Variants in ACMSD observed in about 807,000 individuals in gnomAD.
ACMSD encodes the protein aminocarboxymuconate semialdehyde decarboxylase.
Under a neutral mutation model 45.9 loss-of-function variants are expected in ACMSD, and 37 were observed. The observed-to-expected ratio is 0.81, with a 90% CI of 0.62 to 1.06. The LOEUF (loss-of-function observed/expected upper bound fraction) is 1.06. Among genes scored for constraint, ACMSD ranks in the 50% least tolerant of loss-of-function variants. The pLI is 0.00. For synonymous variants in ACMSD, 138 were observed against 148.8 expected, an observed-to-expected ratio of 0.93 and a Z score of 0.53; for missense variants, 434 against 420.9, an observed-to-expected ratio of 1.03 and a Z score of -0.27.
intron 9 of ACMSD, among the ~76,000 whole-genome samples, chr2:134,900,594 C>A (rs1043283189): frequency 1.3e-5 from 2 of 152,152 alleles, no homozygotes; most frequent in Non-Finnish European, 2.9e-5. Flanking sequence ...TTGCTAAGAT[C>A]TTACTTTGTA....
chr2:134,898,029 T>C (rs1024217856), intron 8 of ACMSD, among the ~76,000 whole-genome samples: 11 of 151,550 alleles, frequency 7.3e-5, no homozygotes, highest in African/African-American at 2.7e-4. Context: ...CATCTGAATA[T>C]ATATATTTTA....
chr2:134,857,551 C>G (rs1303932293), intron 2 of ACMSD, among the ~76,000 whole-genome samples: 1 of 151,912 alleles, frequency 6.6e-6, no homozygotes, highest in Non-Finnish European at 1.5e-5. Flanking sequence ...GCAACGTTAC[C>G]CAATTTATTA....
intron 6 of ACMSD, among the ~76,000 whole-genome samples, chr2:134,870,229 G>T (rs1478283788): frequency 2.0e-5 from 3 of 152,210 alleles, no homozygotes; most frequent in Non-Finnish European, 2.9e-5. Context: ...GAAGGCATTA[G>T]ACATGGACCA....
chr2:134,875,807 A>C (rs1004908140), intron 8 of ACMSD, among the ~76,000 whole-genome samples: 1 of 152,226 alleles, frequency 6.6e-6, no homozygotes, highest in Admixed American at 6.5e-5. Context: ...GCATAATTAC[A>C]GTCATGCATC....
intron 6 of ACMSD, 131 bp downstream of exon 6, chr2:134,867,803 T>C: frequency 1.6e-6 from 1 of 615,324 alleles, no homozygotes; most frequent in East Asian, 2.8e-5. Flanking sequence ...CAGCTATCAC[T>C]TACTGAGCTC....
chr2:134,878,324 T>G (rs189218693), intron 8 of ACMSD, among the ~76,000 whole-genome samples: 122 of 152,284 alleles, frequency 8.0e-4, no homozygotes, highest in African/African-American at 2.9e-3. Context: ...AAAAACATTC[T>G]TTTCGTTTTG....
chr2:134,848,695 A>G (rs1687194261), intron 2 of ACMSD, among the ~76,000 whole-genome samples: 1 of 152,114 alleles, frequency 6.6e-6, no homozygotes, highest in African/African-American at 2.4e-5. Flanking sequence ...AGATGGATAG[A>G]TTGCAAAAGC....
chr2:134,900,525 A>G (rs746729419), intron 9 of ACMSD, among the ~76,000 whole-genome samples: 2 of 152,232 alleles, frequency 1.3e-5, no homozygotes, highest in Non-Finnish European at 2.9e-5. Flanking sequence ...GCTTCCTTTA[A>G]GTGAAAAGGT....
At chr2:134,855,707 T>C (rs541767881) in intron 2 of ACMSD, among the ~76,000 whole-genome samples, 1 of 152,344 alleles carries the variant, frequency 6.6e-6, no homozygotes, top group South Asian at 2.1e-4. Flanking sequence ...CACTGACCTG[T>C]TCCCCATCCC....
In ACMSD at chr2:134,872,481, C is replaced by T; in HGVS notation, c.689C>T (p.Pro230Leu). 6.2e-7 allele frequency: 1 copy of T among 1,614,162 alleles called. No homozygotes were observed. Among genetic ancestry groups the T allele is most frequent in the Admixed American group, 1.7e-5 (1 of 60,016 alleles). The change falls in exon 8 of 10, where the codon CCC becomes CTC. Residue 230 changes from proline (P) to leucine (L), a missense_variant. Coordinates refer to ENST00000356140, the MANE Select transcript of ACMSD (RefSeq NM_138326.3). ...VCFAHGGGAFPFTVGRISHGF... is the reference protein window; with the variant it reads ...VCFAHGGGAFLFTVGRISHGF... ...GTTTTACTTGCAGGTGGTGCCTTCCCCTTCACAGTGGGAAGAATCTCCCAT... is the reference window on the plus strand; with the variant it reads ...GTTTTACTTGCAGGTGGTGCCTTCCTCTTCACAGTGGGAAGAATCTCCCAT...
chr2:134,897,986 T>C (rs991846315), intron 8 of ACMSD, among the ~76,000 whole-genome samples: 1 of 151,344 alleles, frequency 6.6e-6, no homozygotes. Flanking sequence ...AATTGCAATG[T>C]ATCATTCTAA....
chr2:134,898,432 A>G lies in ACMSD; in HGVS notation c.941A>G (p.Glu314Gly). ...GAGTCCATGGAAGAATTTGATGAAGAAACAAAGGTATAATGTCTTTTACTT... is the reference window on the plus strand; with the variant it reads ...GAGTCCATGGAAGAATTTGATGAAGGAACAAAGGTATAATGTCTTTTACTT... ...LIESMEEFDEETKNKLKAGNA... is the reference protein window; with the variant it reads ...LIESMEEFDEGTKNKLKAGNA... Residue 314 changes from glutamate (E) to glycine (G), a missense_variant, in exon 9 of 10, where the codon GAA becomes GGA. Transcript: ENST00000356140. 6.3e-7 allele frequency: 1 copy of G among 1,591,838 alleles called. No individual in the cohort carries two copies. Among genetic ancestry groups the G allele is most frequent in the Admixed American group, 1.8e-5 (1 of 55,436 alleles).
chr2:134,889,982 A>ATGAAGAAAT (rs1375894815), intron 8 of ACMSD, among the ~76,000 whole-genome samples: 1 of 152,136 alleles, frequency 6.6e-6, no homozygotes, highest in Non-Finnish European at 1.5e-5. Context: ...GTTTGTATAT[A>ATGAAGAAAT]TGAAGAAATC....
chr2:134,843,579 C>T (rs959703140), intron 1 of ACMSD, among the ~76,000 whole-genome samples: 2 of 152,170 alleles, frequency 1.3e-5, no homozygotes, highest in African/African-American at 4.8e-5. Flanking sequence ...TGACTCCCTA[C>T]AGACAACTTC....
chr2:134,875,741 T>C (rs1011153791), intron 8 of ACMSD, among the ~76,000 whole-genome samples: 1 of 152,230 alleles, frequency 6.6e-6, no homozygotes, highest in African/African-American at 2.4e-5. Flanking sequence ...AGGTCGGTCA[T>C]ACGCTCATTA....
intron 9 of ACMSD, among the ~76,000 whole-genome samples, chr2:134,900,359 C>A (rs1385137431): frequency 6.6e-6 from 1 of 152,136 alleles, no homozygotes; most frequent in African/African-American, 2.4e-5. Flanking sequence ...TCCACTCCCT[C>A]CCCATTAGTC....
intron 8 of ACMSD, among the ~76,000 whole-genome samples, chr2:134,879,188 G>A (rs1337114790): frequency 6.6e-6 from 1 of 152,164 alleles, no homozygotes; most frequent in Non-Finnish European, 1.5e-5. Flanking sequence ...CCAGTCCATG[G>A]CTCAGGGGTT....
intron 3 of ACMSD, among the ~76,000 whole-genome samples, chr2:134,859,911 C>T (rs1239420094): frequency 6.6e-6 from 1 of 152,116 alleles, no homozygotes; most frequent in African/African-American, 2.4e-5. Context: ...CGTTTCAAAG[C>T]TGAATTGCTA....
At chr2:134,901,328 C>T (rs2104981000) in intron 9 of ACMSD, among the ~76,000 whole-genome samples, 1 of 152,324 alleles carries the variant, frequency 6.6e-6, no homozygotes, top group Non-Finnish European at 1.5e-5. Context: ...TGAGACCCTT[C>T]ATTTATATCA....
Sources: allele counts gnomAD v4.1 joint callset (sites outside exome capture counted in the v4.1 genomes callset), GRCh38; gene constraint gnomAD v4.1.1; transcripts MANE v1.5; gene names NCBI Gene and HGNC (gene_info 2026-07-23, HGNC 2026-07-21).